Variants in SMOC1 observed in about 807,000 individuals in gnomAD.
SMOC1 encodes the protein SPARC-related modular calcium-binding protein 1.
SMOC1 carries 22 observed loss-of-function variants against 56.3 expected under a neutral mutation model. That is an observed-to-expected ratio of 0.39 (90% CI 0.28 to 0.56). SMOC1 has a LOEUF of 0.56. Ranked by LOEUF, SMOC1 falls within the 20% of genes least tolerant of loss-of-function variation. SMOC1 has a pLI of 0.61. For missense variants in SMOC1, 509 were observed against 565.4 expected, an observed-to-expected ratio of 0.90 and a Z score of 1.01; for synonymous variants, 193 against 215.0, an observed-to-expected ratio of 0.90 and a Z score of 0.89.
intron 7 of SMOC1, among the ~76,000 whole-genome samples, chr14:70,002,191 G>C (rs1459704): frequency 0.26 from 39,691 of 152,096 alleles, 6,283 homozygotes; most frequent in East Asian, 0.4. Flanking sequence ...CCTCCAGGGG[G>C]TCCTCCCGGG....
At chr14:69,977,892 T>A in intron 4 of SMOC1, 26 bp from the exon 5 acceptor site, 1 of 1,610,786 alleles carries the variant, frequency 6.2e-7, no homozygotes, top group Non-Finnish European at 8.5e-7. Flanking sequence ...TGAGTGGCTA[T>A]GTTTTTGTTT....
chr14:70,023,009 A>G (rs1885786289), intron 10 of SMOC1, among the ~76,000 whole-genome samples, 194 bp from the exon 11 acceptor site: 1 of 152,190 alleles, frequency 6.6e-6, no homozygotes, highest in Admixed American at 6.5e-5. Flanking sequence ...TCCTGAGAAA[A>G]GAATGGTCCA....
intron 5 of SMOC1, among the ~76,000 whole-genome samples, chr14:69,991,361 G>A (rs951122202): frequency 2.6e-5 from 4 of 152,066 alleles, no homozygotes; most frequent in African/African-American, 9.7e-5. Flanking sequence ...CTTAGGGGAT[G>A]AAAAACACTC....
At chr14:69,881,604 T>G (rs1292262692) in intron 1 of SMOC1, among the ~76,000 whole-genome samples, 4 of 152,172 alleles carry the variant, frequency 2.6e-5, no homozygotes, top group African/African-American at 4.8e-5. Context: ...ATGTCCAAGC[T>G]GCTTCACACT....
intron 5 of SMOC1, among the ~76,000 whole-genome samples, chr14:69,992,058 C>G (rs1212363180): frequency 6.6e-6 from 1 of 152,126 alleles, no homozygotes; most frequent in Non-Finnish European, 1.5e-5. Context: ...CTGGCCATAA[C>G]TCAGGGCTGA....
Position 70,011,680 on chromosome 14 carries a change from G to A in SMOC1, c.940+113G>A, listed in dbSNP as rs978589670. ...TCTGTTTCCCCATGTGTAAGATGGA[G>A]CCAGGAGCCGTGGGATCTACATCCT... On this transcript the variant is annotated intron_variant, in intron 9 of 11. Transcript: ENST00000361956. The A allele has an allele frequency of 5.0e-6, 5 of 1,004,638 alleles. No individual in the cohort carries two copies. In the South Asian group the frequency reaches 6.8e-5, roughly 14 times the overall value. 62.2% of individuals were successfully genotyped at this position (1,004,638 alleles called of 1,614,324 possible).
chr14:69,941,553 C>T (rs550514548), intron 1 of SMOC1, among the ~76,000 whole-genome samples: 1 of 152,328 alleles, frequency 6.6e-6, no homozygotes, highest in East Asian at 1.9e-4. Context: ...TCCTAAGTGT[C>T]TTCTCTGTTG....
At chr14:69,988,067 T>A (rs78420303) in intron 5 of SMOC1, among the ~76,000 whole-genome samples, 4,159 of 152,324 alleles carry the variant, frequency 0.027, 97 homozygotes, top group Middle Eastern at 0.11. Flanking sequence ...TCTTTTTATC[T>A]GCCTGGTTTC....
intron 7 of SMOC1, among the ~76,000 whole-genome samples, chr14:70,009,374 T>C (rs951463208): frequency 3.3e-5 from 5 of 152,244 alleles, no homozygotes; most frequent in Non-Finnish European, 7.3e-5. Flanking sequence ...TGTCTCTGTG[T>C]ACTCCTATGG....
chr14:69,907,252 T>A (rs528838475), intron 1 of SMOC1, among the ~76,000 whole-genome samples: 1 of 152,280 alleles, frequency 6.6e-6, no homozygotes, highest in East Asian at 1.9e-4. Context: ...GAGGAATTAT[T>A]ATTTTGATAG....
At chr14:69,998,653 C>T (rs756333962) in intron 7 of SMOC1, among the ~76,000 whole-genome samples, 1 of 152,084 alleles carries the variant, frequency 6.6e-6, no homozygotes, top group Non-Finnish European at 1.5e-5. Context: ...TTCTATATGA[C>T]GAACTTCCAC....
chr14:69,896,205 A>G (rs1042601205), intron 1 of SMOC1, among the ~76,000 whole-genome samples: 1 of 152,124 alleles, frequency 6.6e-6, no homozygotes, highest in African/African-American at 2.4e-5. Context: ...TTCACCTCCC[A>G]TCTCAATGCT....
intron 1 of SMOC1, among the ~76,000 whole-genome samples, chr14:69,897,028 C>T (rs1884117040): frequency 6.6e-6 from 1 of 152,190 alleles, no homozygotes; most frequent in South Asian, 2.1e-4. Flanking sequence ...TTGATGTGCC[C>T]TCCTCATGAT....
intron 10 of SMOC1, among the ~76,000 whole-genome samples, chr14:70,018,407 A>C (rs1885595869): frequency 6.6e-6 from 1 of 152,204 alleles, no homozygotes; most frequent in Admixed American, 6.5e-5. Flanking sequence ...AGTGCTACAA[A>C]GATCTAAAAA....
chr14:69,986,879 C>G (rs963760737), intron 5 of SMOC1, among the ~76,000 whole-genome samples: 57 of 152,296 alleles, frequency 3.7e-4, no homozygotes, highest in African/African-American at 1.4e-3. Flanking sequence ...TTGGAAAGAA[C>G]CTGACATGCC....
chr14:69,953,493 G>A lies in SMOC1; in HGVS notation c.339G>A (p.Val113=), dbSNP rs767812817. The change falls in exon 3 of 12, where the codon GTG becomes GTA. Residue 113 remains valine (V), a synonymous_variant. Transcript: ENST00000361956. ...AAGCCAAGAAGCCTCAGGAAGCTGTGTTTGTCCCAGAGTGTGGCGAGGATG... is the reference window on the plus strand; with the variant it reads ...AAGCCAAGAAGCCTCAGGAAGCTGTATTTGTCCCAGAGTGTGGCGAGGATG... ...LEQAKKPQEA[V]FVPECGEDGS... 1 of 1,614,254 alleles carries A rather than the reference G, an allele frequency of 6.2e-7. No individual in the cohort carries two copies. Among genetic ancestry groups the A allele is most frequent in the South Asian group, 1.1e-5 (1 of 91,084 alleles).
At chr14:69,996,951 C>T (rs191610725) in intron 7 of SMOC1, among the ~76,000 whole-genome samples, 2 of 152,342 alleles carry the variant, frequency 1.3e-5, no homozygotes, top group East Asian at 3.9e-4. Context: ...GGTTGGATCA[C>T]AGCCACAGCC....
chr14:69,929,043 G>A (rs963719644), intron 1 of SMOC1, among the ~76,000 whole-genome samples: 4 of 152,214 alleles, frequency 2.6e-5, no homozygotes, highest in African/African-American at 9.6e-5. Context: ...TCTTCCAGGA[G>A]CTGGGAGTCT....
In SMOC1 at chr14:70,002,334, C is replaced by T. The variant is rs1267531121; in HGVS notation, c.664+7854C>T. 2.6e-5 allele frequency among the ~76,000 whole-genome samples: 4 copies of T among 152,176 alleles called. No individual in the cohort carries two copies. The South Asian group carries it at 6.2e-4, about 24-fold the overall frequency. ...TGCCAACAGAAGTGTGACTTTAATTCGTGCAAATTCTGTTTCTATTCTCCC... is the reference window on the plus strand; with the variant it reads ...TGCCAACAGAAGTGTGACTTTAATTTGTGCAAATTCTGTTTCTATTCTCCC... On this transcript the variant is annotated intron_variant, in intron 7 of 11. Transcript: ENST00000361956.
Sources: allele counts gnomAD v4.1 joint callset (sites outside exome capture counted in the v4.1 genomes callset), GRCh38; gene constraint gnomAD v4.1.1; transcripts MANE v1.5; gene names NCBI Gene and HGNC (gene_info 2026-07-23, HGNC 2026-07-21).